Variants in CPD observed in about 807,000 individuals in gnomAD.
CPD encodes metallocarboxypeptidase D.
In CPD, 69 loss-of-function variants were observed where a neutral mutation model predicts 138.3. That is an observed-to-expected ratio of 0.50 (90% CI 0.41 to 0.61). CPD has a LOEUF of 0.61. Among genes scored for constraint, CPD ranks in the 20% least tolerant of loss-of-function variants. The probability of loss-of-function intolerance (pLI) is 0.00; values close to 1 mark genes in which losing one functional copy is unlikely to be tolerated. For missense variants in CPD, 1,432 were observed against 1,733.3 expected, an observed-to-expected ratio of 0.83 and a Z score of 3.09; for synonymous variants, 651 against 642.1, an observed-to-expected ratio of 1.01 and a Z score of -0.21.
chr17:30,430,069 T>A (rs905761705), intron 7 of CPD, among the ~76,000 whole-genome samples: 1 of 152,194 alleles, frequency 6.6e-6, no homozygotes, highest in Admixed American at 6.5e-5. Context: ...CTGCCATCTT[T>A]ATAATTTAGA....
intron 6 of CPD, among the ~76,000 whole-genome samples, chr17:30,426,917 A>G (rs1597721506): frequency 6.6e-6 from 1 of 152,008 alleles, no homozygotes; most frequent in Non-Finnish European, 1.5e-5. Context: ...GTGGTGGCTC[A>G]CTCCTGTAAT....
At chr17:30,424,043 G>A (rs931827395) in intron 6 of CPD, among the ~76,000 whole-genome samples, 5 of 152,166 alleles carry the variant, frequency 3.3e-5, no homozygotes, top group African/African-American at 1.2e-4. Flanking sequence ...CCAAATATGA[G>A]TGACCATGGC....
intron 17 of CPD, among the ~76,000 whole-genome samples, chr17:30,458,482 A>T (rs1477623777): frequency 6.6e-6 from 1 of 151,834 alleles, no homozygotes; most frequent in Non-Finnish European, 1.5e-5. Flanking sequence ...TTTTTTTTGG[A>T]GGGCAAATGT....
At chr17:30,387,269 C>T (rs1208229843) in intron 2 of CPD, among the ~76,000 whole-genome samples, 2 of 152,240 alleles carry the variant, frequency 1.3e-5, no homozygotes, top group Non-Finnish European at 2.9e-5. Flanking sequence ...AGGTGCCTGC[C>T]ACCAGGCCCA....
At chr17:30,385,439 C>G in intron 2 of CPD, 1 of 536,296 alleles carries the variant, frequency 1.9e-6, no homozygotes, top group Non-Finnish European at 3.1e-6. Context: ...CCACTGTTAT[C>G]TTATCCCAGA....
At chr17:30,453,753 C>G (rs957763346) in intron 14 of CPD, among the ~76,000 whole-genome samples, 1 of 152,252 alleles carries the variant, frequency 6.6e-6, no homozygotes. Context: ...AAACTTTTGC[C>G]TGGACATCCA....
At chr17:30,427,000 G>C (rs560092060) in intron 6 of CPD, among the ~76,000 whole-genome samples, 1 of 152,144 alleles carries the variant, frequency 6.6e-6, no homozygotes. Context: ...GGCCAACATG[G>C]TGAAACCCCA....
intron 7 of CPD, among the ~76,000 whole-genome samples, chr17:30,429,551 A>G (rs1296962599): frequency 6.6e-6 from 1 of 152,180 alleles, no homozygotes; most frequent in East Asian, 1.9e-4. Context: ...CCGCAGCTGG[A>G]GCTTGTGAAT....
chr17:30,399,264 G>C (rs1384238449), intron 2 of CPD, among the ~76,000 whole-genome samples: 1 of 152,040 alleles, frequency 6.6e-6, no homozygotes, highest in African/African-American at 2.4e-5. Context: ...TGTTCCATTT[G>C]TACTTGAAAA....
intron 2 of CPD, among the ~76,000 whole-genome samples, chr17:30,391,081 C>T (rs984545388): frequency 1.3e-5 from 2 of 150,674 alleles, no homozygotes; most frequent in Admixed American, 6.6e-5. Flanking sequence ...CCACCTGCCT[C>T]GCCCTCCCAA....
Position 30,445,770 on chromosome 17 carries a change from A to G in CPD, c.2623A>G (p.Thr875Ala), listed in dbSNP as rs185549649. 1 of 1,613,962 alleles carries G rather than the reference A, an allele frequency of 6.2e-7. No individual in the cohort carries two copies. The highest frequency in any genetic ancestry group is 1.3e-5 in the African/African-American group (1 of 75,040). Residue 875 changes from threonine to alanine, a missense_variant, in exon 12 of 21, where the codon ACA (threonine) becomes GCA (alanine). Physicochemically the swap from Thr to Ala is moderately conservative, Grantham distance 58. Coordinates refer to ENST00000225719, the MANE Select transcript of CPD (RefSeq NM_001304.5). ...CAACTTCACACTTGTTCGATCCTCA[A>G]CAGATTCAAACAATGAATCAAAGAA... ...QVNFTLVRSS[T>A]DSNNESKKGK...
At chr17:30,414,375 A>G (rs1718166969) in intron 2 of CPD, among the ~76,000 whole-genome samples, 1 of 152,114 alleles carries the variant, frequency 6.6e-6, no homozygotes, top group Non-Finnish European at 1.5e-5. Flanking sequence ...GGAGATCGAG[A>G]CCATCCTGGC....
At chr17:30,414,995 G>A (rs186973375) in intron 2 of CPD, among the ~76,000 whole-genome samples, 1 of 152,222 alleles carries the variant, frequency 6.6e-6, no homozygotes, top group East Asian at 1.9e-4. Context: ...TTAAAACCAC[G>A]GGACTGTATG....
chr17:30,396,525 A>G (rs1402455012), intron 2 of CPD, among the ~76,000 whole-genome samples: 1 of 152,206 alleles, frequency 6.6e-6, no homozygotes, highest in Non-Finnish European at 1.5e-5. Flanking sequence ...TCCCCTTAAA[A>G]GCTAGATCTT....
rs2143524163 is a variant in CPD, at chr17:30,466,708, C to G, written c.*1894C>G. ...GTGGCTGCCCCTGCTTGGGACATTA[C>G]AGCAAGTGAAACAAAGTTAATGTGA... is the stretch of plus-strand genomic sequence containing the variant. On this transcript the variant is annotated 3_prime_UTR_variant, in exon 21 of 21. Coordinates refer to ENST00000225719, the MANE Select transcript of CPD (RefSeq NM_001304.5). 6.5e-6 allele frequency: 1 copy of G among 152,686 alleles called. No homozygotes were observed. The highest frequency in any genetic ancestry group is 1.9e-4 in the East Asian group (1 of 5,188). The allele number at this position is 152,686 out of a possible 1,614,324, so 9.5% of individuals were successfully genotyped here.
chr17:30,403,756 A>G (rs539493244), intron 2 of CPD, among the ~76,000 whole-genome samples: 1 of 152,206 alleles, frequency 6.6e-6, no homozygotes, highest in East Asian at 1.9e-4. Flanking sequence ...TAAACTTACT[A>G]TAAGATCCCT....
At chr17:30,463,997 A>G (rs893179650) in intron 20 of CPD, among the ~76,000 whole-genome samples, 2 of 152,204 alleles carry the variant, frequency 1.3e-5, no homozygotes, top group Non-Finnish European at 2.9e-5. Context: ...GGAAAGGAAA[A>G]GTATAATAGA....
At chr17:30,458,986 A>G (rs1310323473) in intron 17 of CPD, among the ~76,000 whole-genome samples, 1 of 151,864 alleles carries the variant, frequency 6.6e-6, no homozygotes, top group South Asian at 2.1e-4. Flanking sequence ...GTATGTAGAA[A>G]TTCAGTTGTG....
chr17:30,412,994 C>T (rs941608553), intron 2 of CPD, among the ~76,000 whole-genome samples: 7 of 152,078 alleles, frequency 4.6e-5, no homozygotes, highest in Admixed American at 1.3e-4. Context: ...AGCTGCAGAC[C>T]GGAGCTGTTC....
Sources: gnomAD v4.1 joint callset for allele counts (sites outside exome capture counted in the v4.1 genomes callset) on GRCh38, gnomAD v4.1.1 for gene constraint, MANE v1.5 for transcripts, NCBI Gene and HGNC (gene_info 2026-07-23, HGNC 2026-07-21) for gene names.